COL4A3: variants seen among roughly 807,000 people sequenced by gnomAD.
COL4A3 encodes the protein collagen type IV alpha 3 chain, also known as collagen alpha-3(IV) chain.
In COL4A3, 135 loss-of-function variants were observed where a neutral mutation model predicts 217.4. The observed-to-expected ratio is 0.62, with a 90% confidence interval of 0.54 to 0.72. The LOEUF is 0.72. Among genes scored for constraint, COL4A3 ranks in the 30% least tolerant of loss-of-function variants. The pLI, the probability that COL4A3 is intolerant of heterozygous loss-of-function variation, is 0.00. For missense variants in COL4A3, 1,868 were observed against 2,119.9 expected (o/e 0.88, Z 2.33); for synonymous variants, 690 against 736.3 (o/e 0.94, Z 1.02).
intron 36 of COL4A3, among the ~76,000 whole-genome samples, chr2:227,290,505 A>G (rs1299232774): frequency 6.6e-6 from 1 of 152,176 alleles, no homozygotes; most frequent in Admixed American, 6.5e-5. Context: ...ATCTCAAAAA[A>G]AACCAACAAC....
chr2:227,306,338 A>G (rs2106279041), intron 47 of COL4A3, among the ~76,000 whole-genome samples: 1 of 152,312 alleles, frequency 6.6e-6, no homozygotes, highest in Non-Finnish European at 1.5e-5. Context: ...TCTTGGAGAT[A>G]CAGAAATGCA....
chr2:227,254,975 C>T (rs935084181), intron 15 of COL4A3, among the ~76,000 whole-genome samples: 1 of 152,212 alleles, frequency 6.6e-6, no homozygotes, highest in Admixed American at 6.5e-5. Context: ...ATATCAGCCT[C>T]ATTCTCTCCT....
In COL4A3 at chr2:227,310,935, G is replaced by C; in HGVS notation, c.4915G>C (p.Glu1639Gln). ...TTTCTGGCTGGCTTCATTAAACCCA[G>C]AAAGAATGTTCAGGTAACTATTCAC... is the stretch of plus-strand genomic sequence containing the variant. ...YSFWLASLNP[E>Q]RMFRKPIPST... is the part of the protein sequence containing the mutation. Residue 1639 changes from glutamate to glutamine, a missense_variant, in exon 51 of 52, where the codon GAA becomes CAA. Physicochemically the swap from Glu to Gln is conservative, Grantham distance 29. Around this residue, in one of 2 missense-constraint regions of COL4A3, gnomAD observed 1,503 missense variants for 1,786.1 expected, o/e 0.84. Transcript: ENST00000396578. 3.7e-6 allele frequency: 6 copies of C among 1,613,658 alleles called. No individual in the cohort carries two copies. Among genetic ancestry groups the C allele is most frequent in the Non-Finnish European group, 5.1e-6 (6 of 1,179,994 alleles).
chr2:227,230,066 AG>A (rs143211189), intron 1 of COL4A3, among the ~76,000 whole-genome samples: 16 of 151,354 alleles, frequency 1.1e-4, no homozygotes, highest in Admixed American at 1.3e-4. Flanking sequence ...AAAAAAAAAA[AG>A]AAATTTCCCA....
At chr2:227,261,017 T>C in intron 19 of COL4A3, 65 bp from the exon 20 acceptor site, 1 of 1,367,710 alleles carries the variant, frequency 7.3e-7, no homozygotes, top group East Asian at 2.3e-5. Context: ...CACCCAAGAT[T>C]CCAAAAGTGG....
chr2:227,284,403 T>G, intron 34 of COL4A3, 58 bp downstream of exon 34: 1 of 1,567,202 alleles, frequency 6.4e-7, no homozygotes. Flanking sequence ...GCTAATAAAT[T>G]ATCCAGGCAA....
chr2:227,173,638 A>G (rs902781637), intron 1 of COL4A3, among the ~76,000 whole-genome samples: 3 of 152,226 alleles, frequency 2.0e-5, no homozygotes, highest in African/African-American at 7.2e-5. Context: ...AGCCATGACT[A>G]CAAGCCTCAT....
At chr2:227,293,014 G>C (rs1362007330) in intron 37 of COL4A3, among the ~76,000 whole-genome samples, 177 bp from the exon 38 acceptor site, 1 of 152,122 alleles carries the variant, frequency 6.6e-6, no homozygotes, top group East Asian at 1.9e-4. Flanking sequence ...ATTTTGCACT[G>C]GGCCCCATAA....
At chr2:227,227,072 T>C (rs2068135033) in intron 1 of COL4A3, among the ~76,000 whole-genome samples, 1 of 152,212 alleles carries the variant, frequency 6.6e-6, no homozygotes, top group South Asian at 2.1e-4. Flanking sequence ...CCATGAAAAA[T>C]ATAAAAACCA....
rs2069715778 is a variant in COL4A3 at position 227,251,128 on chromosome 2, C to T, written c.547-12C>T. 1.9e-5 allele frequency: 30 copies of T among 1,603,456 alleles called. No individual in the cohort carries two copies. The highest frequency in any genetic ancestry group is 2.6e-5 in the Non-Finnish European group (30 of 1,170,496). On this transcript the variant is annotated splice_polypyrimidine_tract_variant and intron_variant, in intron 9 of 51. Transcript: ENST00000396578. ...AATTTAAACTTACTCTTATTCTTCT[C>T]TCAATTTCAAGGGTTTGCCAGGCCC...
At chr2:227,246,593 A>G in intron 6 of COL4A3, 92 bp from the exon 7 acceptor site, 2 of 1,007,312 alleles carry the variant, frequency 2.0e-6, no homozygotes, top group East Asian at 2.5e-5. Context: ...TAGATTTACC[A>G]TTGCAAGGTT....
chr2:227,246,241 C>A, intron 6 of COL4A3: 1 of 583,908 alleles, frequency 1.7e-6, no homozygotes, highest in Non-Finnish European at 3.1e-6. Flanking sequence ...AAACTTGGAG[C>A]TCAACTGGTT....
chr2:227,303,039 G>A lies in COL4A3; in HGVS notation c.3884G>A (p.Gly1295Glu). The A allele has an allele frequency of 6.2e-7, 1 of 1,611,764 alleles. No homozygotes were observed. Among genetic ancestry groups the A allele is most frequent in the South Asian group, 1.1e-5 (1 of 91,016 alleles). Residue 1295 changes from glycine (G) to glutamate (E), a missense_variant and splice_region_variant, in exon 44 of 52, where the codon GGA becomes GAA. Gly to Glu is a moderately conservative substitution (Grantham distance 98). Transcript: ENST00000396578. ...AGDMGPPGRL[G>E]APGTPGLPGP... Reference sequence around the variant, plus strand: ...CTGCTCCCTTTATTTGAAATATAGGGAGCACCAGGTACTCCAGGTCTTCCA... The same window carrying A: ...CTGCTCCCTTTATTTGAAATATAGGAAGCACCAGGTACTCCAGGTCTTCCA...
At chr2:227,174,632 G>A (rs533274003) in intron 1 of COL4A3, among the ~76,000 whole-genome samples, 5 of 151,854 alleles carry the variant, frequency 3.3e-5, no homozygotes, top group Admixed American at 2.0e-4. Context: ...TCAGCCTCCC[G>A]AGTAGCTGGG....
chr2:227,281,014 G>A lies in COL4A3; in HGVS notation c.2488+8G>A, dbSNP rs1319950235. 1 of 1,543,940 alleles carries A rather than the reference G, an allele frequency of 6.5e-7. No individual in the cohort carries two copies. The highest frequency in any genetic ancestry group is 8.8e-7 in the Non-Finnish European group (1 of 1,138,940). On this transcript the variant is annotated splice_region_variant and intron_variant, in intron 31 of 51. Transcript: ENST00000396578. ...GATTGAAAGGGCAACAAGGTAGGAG[G>A]AGGGCCTCAAAACTGGCCACCAGAA... is the stretch of plus-strand genomic sequence containing the variant.
intron 47 of COL4A3, chr2:227,305,409 A>G (rs2073459563): frequency 3.3e-6 from 1 of 306,724 alleles, no homozygotes; most frequent in Non-Finnish European, 6.4e-6. Flanking sequence ...GTTGTTAGTT[A>G]ATAATTATTT....
intron 50 of COL4A3, 61 bp downstream of exon 50, chr2:227,309,379 C>A: frequency 7.6e-7 from 1 of 1,318,734 alleles, no homozygotes; most frequent in Non-Finnish European, 1.1e-6. Flanking sequence ...TTACATTGTG[C>A]TGGGTAAAAT....
chr2:227,253,152 C>A lies in COL4A3; in HGVS notation c.646-144C>A. The A allele has an allele frequency of 1.4e-6, 1 of 726,340 alleles. No homozygotes were observed. Among genetic ancestry groups the A allele is most frequent in the Non-Finnish European group, 2.3e-6 (1 of 429,440 alleles). 45.0% of individuals were successfully genotyped at this position (726,340 alleles called of 1,614,324 possible). On this transcript the variant is annotated intron_variant, in intron 11 of 51. Coordinates refer to ENST00000396578, the MANE Select transcript of COL4A3 (RefSeq NM_000091.5). This position sits in a 1 kb window ranked among gnomAD's most constrained non-coding sequence, Gnocchi z 4.4. ...AAAAGAAACATATCAATGCTCTTCTCTAAGAAATAGCTAAAATATGTATCA... is the reference window on the plus strand; with the variant it reads ...AAAAGAAACATATCAATGCTCTTCTATAAGAAATAGCTAAAATATGTATCA...
At chr2:227,195,846 G>A (rs12463780) in intron 1 of COL4A3, among the ~76,000 whole-genome samples, 108,310 of 151,234 alleles carry the variant, frequency 0.72, 39,119 homozygotes, top group African/African-American at 0.77. Flanking sequence ...GAAGACAGTA[G>A]TATTGATGAT....
Sources: gnomAD v4.1 joint callset for allele counts (sites outside exome capture counted in the v4.1 genomes callset) on GRCh38, gnomAD v4.1.1 for gene constraint, gnomAD v4.1.1 regional missense constraint, Gnocchi (gnomAD v3.1) non-coding constraint, MANE v1.5 for transcripts, NCBI Gene and HGNC (gene_info 2026-07-23, HGNC 2026-07-21) for gene names.